Variants in SERPINB12 observed in about 807,000 individuals in gnomAD.
SERPINB12 encodes serpin family B member 12.
Under a neutral mutation model 41.1 loss-of-function variants are expected in SERPINB12, and 57 were observed. The ratio of observed to expected loss-of-function variants is 1.39; its 90% CI spans 1.12 to 1.73. The LOEUF (loss-of-function observed/expected upper bound fraction) is 1.73, where lower values mean the gene tolerates loss of function less well. SERPINB12 is among the 40% of genes most tolerant of loss of function. SERPINB12 has a pLI of 0.00. For synonymous variants in SERPINB12, 180 were observed against 181.3 expected (o/e 0.99, Z 0.06); for missense variants, 536 against 501.9 (o/e 1.07, Z -0.65).
intron 7 of SERPINB12, among the ~76,000 whole-genome samples, chr18:63,566,039 G>T (rs190148140): frequency 3.3e-5 from 5 of 152,310 alleles, no homozygotes; most frequent in Admixed American, 3.3e-4. Context: ...AGTGACAACA[G>T]AATTGATTGC....
the SERPINB12 span, among the ~76,000 whole-genome samples, chr18:63,526,713 C>G: frequency 6.6e-6 from 1 of 152,194 alleles, no homozygotes; most frequent in African/African-American, 2.4e-5. Flanking sequence ...GTTTTCACCT[C>G]TCTTTTCAAT....
chr18:63,552,033 A>C (rs1910544438), intron 1 of SERPINB12, among the ~76,000 whole-genome samples: 1 of 152,186 alleles, frequency 6.6e-6, no homozygotes, highest in African/African-American at 2.4e-5. Flanking sequence ...AACTTACTAA[A>C]ATGGGAGGTT....
At chr18:63,564,262 T>C in intron 6 of SERPINB12, 142 bp downstream of exon 6, 1 of 800,402 alleles carries the variant, frequency 1.2e-6, no homozygotes, top group Non-Finnish European at 2.0e-6. Context: ...GTACCTGAAT[T>C]TCATTGAGTA....
rs61745080 is a variant in SERPINB12, at chr18:63,565,560, T to C, written c.821T>C (p.Met274Thr). The change falls in exon 7 of 8, where the codon ATG (methionine) becomes ACG (threonine). Residue 274 changes from methionine (M) to threonine (T), a missense_variant. Physicochemically the swap from Met to Thr is moderately conservative, Grantham distance 81. Coordinates refer to ENST00000382768, the MANE Select transcript of SERPINB12 (RefSeq NM_001307928.2). ...EMRYTKGKLS[M>T]FVLLPSHSKD... The stretch of plus-strand genomic sequence containing the variant: ...AGGTACACCAAGGGGAAGCTCAGCA[T>C]GTTCGTGCTGCTGCCATCTCACTCT... 1.2e-6 allele frequency: 2 copies of C among 1,614,164 alleles called. No homozygotes were observed. Among genetic ancestry groups the C allele is most frequent in the Non-Finnish European group, 1.7e-6 (2 of 1,179,982 alleles).
At chr18:63,540,935 AAAGT>A (rs1428388145), upstream of SERPINB12, among the ~76,000 whole-genome samples, 3 of 152,182 alleles carry the variant, frequency 2.0e-5, no homozygotes, top group East Asian at 5.8e-4. Flanking sequence ...AGCTATGTAT[AAAGT>A]GTGTGTAGAG....
At chr18:63,532,550 G>C in the SERPINB12 span, among the ~76,000 whole-genome samples, 1 of 152,182 alleles carries the variant, frequency 6.6e-6, no homozygotes, top group Non-Finnish European at 1.5e-5. Context: ...TATAGGAGCA[G>C]TGGGGATTTT....
At position 63,569,305 on chromosome 18, in the gene SERPINB12, C is replaced by T. The variant is rs1911218976; in HGVS notation, c.*2294C>T. 6.6e-6 allele frequency among the ~76,000 whole-genome samples: 1 copy of T among 152,134 alleles called. No individual in the cohort carries two copies. The highest frequency in any genetic ancestry group is 2.4e-5 in the African/African-American group (1 of 41,422). ...AGAAGTTTCTTCTGAATGAATAAAG[C>T]ACTTTTGTTATTAGTTAAAATATAT... On this transcript the variant is annotated 3_prime_UTR_variant, in exon 8 of 8. Coordinates refer to ENST00000382768, the MANE Select transcript of SERPINB12 (RefSeq NM_001307928.2).
At chr18:63,532,707 G>A in the SERPINB12 span, among the ~76,000 whole-genome samples, 1 of 152,252 alleles carries the variant, frequency 6.6e-6, no homozygotes, top group East Asian at 1.9e-4. Flanking sequence ...TTCAGTAGGA[G>A]TTTGCTGAGG....
At chr18:63,546,923 G>A (rs1910400163) in intron 1 of SERPINB12, among the ~76,000 whole-genome samples, 1 of 152,164 alleles carries the variant, frequency 6.6e-6, no homozygotes, top group South Asian at 2.1e-4. Context: ...CTGACCAGCT[G>A]TTAGCAGCAA....
intron 4 of SERPINB12, 115 bp downstream of exon 4, chr18:63,559,833 T>C: frequency 9.3e-7 from 1 of 1,073,522 alleles, no homozygotes; most frequent in East Asian, 2.5e-5. Flanking sequence ...GACAGGATGA[T>C]GCGCTGTGGA....
At chr18:63,534,065 T>G in the SERPINB12 span, among the ~76,000 whole-genome samples, 1 of 152,184 alleles carries the variant, frequency 6.6e-6, no homozygotes, top group East Asian at 1.9e-4. Flanking sequence ...CTTCCAGTCT[T>G]ACTTGTCCTA....
the SERPINB12 span, among the ~76,000 whole-genome samples, chr18:63,532,374 C>T: frequency 6.6e-6 from 1 of 152,176 alleles, no homozygotes. Flanking sequence ...TAAGTTTTCA[C>T]TTATCACTAG....
intron 1 of SERPINB12, among the ~76,000 whole-genome samples, chr18:63,550,937 T>A (rs889851904): frequency 1.3e-5 from 2 of 152,158 alleles, no homozygotes; most frequent in African/African-American, 4.8e-5. Context: ...AGATTAGTTT[T>A]GCCAGTTTTG....
the SERPINB12 span, among the ~76,000 whole-genome samples, chr18:63,527,341 A>G: frequency 1.3e-5 from 2 of 152,220 alleles, no homozygotes; most frequent in Admixed American, 1.3e-4. Context: ...GAAGCTTTTC[A>G]TAAGAACATT....
the SERPINB12 span, among the ~76,000 whole-genome samples, chr18:63,520,017 C>G: frequency 6.6e-6 from 1 of 152,136 alleles, no homozygotes; most frequent in African/African-American, 2.4e-5. Context: ...ACAGGTACCC[C>G]ATGTGAAACG....
At chr18:63,559,081 C>CTT (rs1429412787) in intron 3 of SERPINB12, among the ~76,000 whole-genome samples, 1 of 64,842 alleles carries the variant, frequency 1.5e-5, no homozygotes, top group African/African-American at 4.7e-5. Flanking sequence ...CTCCTTCTCT[C>CTT]CTTCTCTCTT....
In SERPINB12 at chr18:63,558,460, A is replaced by G. The variant is rs1289276734; in HGVS notation, c.277A>G (p.Lys93Glu). Residue 93 changes from lysine to glutamate, a missense_variant, in exon 3 of 8, where the codon AAA (lysine) becomes GAA (glutamate). By Grantham distance (56) the Lys-to-Glu change is moderately conservative (BLOSUM62 1). Transcript: ENST00000382768. Reference sequence around the variant, plus strand: ...TGACAGCTCTCTGGAGGGGCAGAAAAAAACGACAGAGCCTCTGGATCAGCA... The same window carrying G: ...TGACAGCTCTCTGGAGGGGCAGAAAGAAACGACAGAGCCTCTGGATCAGCA... ...LADSSLEGQK[K>E]TTEPLDQQAG... 1 of 1,613,560 alleles carries G rather than the reference A, an allele frequency of 6.2e-7. No individual in the cohort carries two copies. The highest frequency in any genetic ancestry group is 2.2e-5 in the East Asian group (1 of 44,868).
At chr18:63,552,522 A>G (rs1300081114) in intron 1 of SERPINB12, among the ~76,000 whole-genome samples, 1 of 152,222 alleles carries the variant, frequency 6.6e-6, no homozygotes, top group African/African-American at 2.4e-5. Context: ...CTGTGTTATT[A>G]GCATAATCAA....
At chr18:63,559,037 T>TCTTG in intron 3 of SERPINB12, among the ~76,000 whole-genome samples, 1 of 74,132 alleles carries the variant, frequency 1.3e-5, no homozygotes, top group Non-Finnish European at 3.5e-5. Context: ...TTTCTTTCTT[T>TCTTG]CTTTCTTTCT....
Sources: allele counts gnomAD v4.1 joint callset (sites outside exome capture counted in the v4.1 genomes callset), GRCh38; gene constraint gnomAD v4.1.1; transcripts MANE v1.5; gene names NCBI Gene and HGNC (gene_info 2026-07-23, HGNC 2026-07-21).